The following MACROD2 variants were observed in gnomAD, a reference collection of about 807,000 sequenced individuals.
MACROD2 encodes ADP-ribose glycohydrolase MACROD2.
In MACROD2, 36 loss-of-function variants were observed where a neutral mutation model predicts 70.4. The ratio of observed to expected loss-of-function variants is 0.51; its 90% confidence interval spans 0.39 to 0.68. MACROD2 has a LOEUF of 0.68. Ranked by LOEUF, MACROD2 falls within the 30% of genes least tolerant of loss-of-function variation. The probability of loss-of-function intolerance (pLI) is 0.00; values close to 1 mark genes in which losing one functional copy is unlikely to be tolerated. For synonymous variants in MACROD2, 172 were observed against 178.8 expected, an observed-to-expected ratio of 0.96 and a Z score of 0.30; for missense variants, 496 against 538.4, an observed-to-expected ratio of 0.92 and a Z score of 0.78.
rs2049825185 is a variant in MACROD2 at position 15,661,784 on chromosome 20, TA to T, written c.645+161938del. ...AAAAACTCTGGCTTAAACTCAACCT[TA>T]GGCTTCCACTCTGTAAAATTAAGGT... On this transcript the variant is annotated intron_variant, in intron 8 of 17. Coordinates refer to ENST00000684519, the MANE Select transcript of MACROD2 (RefSeq NM_001351661.2). 2.0e-5 allele frequency among the ~76,000 whole-genome samples: 3 copies of T among 152,262 alleles called. No homozygotes were observed. In the South Asian group the frequency reaches 6.2e-4, roughly 32 times the overall value.
intron 4 of MACROD2, among the ~76,000 whole-genome samples, chr20:14,552,195 A>G (rs1332880769): frequency 6.7e-6 from 1 of 149,892 alleles, no homozygotes; most frequent in East Asian, 2.0e-4. Flanking sequence ...AGTGGCTCCT[A>G]GATTTTCTCA....
intron 2 of MACROD2, among the ~76,000 whole-genome samples, chr20:14,045,320 A>G (rs1372774659): frequency 1.3e-5 from 2 of 152,242 alleles, no homozygotes; most frequent in Non-Finnish European, 2.9e-5. Flanking sequence ...GAGGGCTGCC[A>G]GGGCTGCCAG....
chr20:14,632,546 G>A (rs1000092984), intron 4 of MACROD2, among the ~76,000 whole-genome samples: 3 of 151,980 alleles, frequency 2.0e-5, no homozygotes, highest in African/African-American at 7.3e-5. Context: ...TACATTTGTG[G>A]TTTTCATTTT....
chr20:15,070,270 T>C (rs1188281432), intron 5 of MACROD2, among the ~76,000 whole-genome samples: 1 of 152,144 alleles, frequency 6.6e-6, no homozygotes, highest in Admixed American at 6.5e-5. Context: ...AAATAACTTA[T>C]TTTTGATTTT....
chr20:14,425,819 C>G (rs191970942), intron 3 of MACROD2, among the ~76,000 whole-genome samples: 2 of 152,198 alleles, frequency 1.3e-5, no homozygotes, highest in East Asian at 3.9e-4. Flanking sequence ...TTAGTTTATT[C>G]TTTTATTTTG....
At chr20:15,776,805 T>C (rs2147029511) in intron 8 of MACROD2, among the ~76,000 whole-genome samples, 1 of 152,270 alleles carries the variant, frequency 6.6e-6, no homozygotes, top group East Asian at 1.9e-4. Context: ...TTTCATGTCT[T>C]GATTACTCAA....
intron 5 of MACROD2, among the ~76,000 whole-genome samples, chr20:15,208,214 G>C (rs1299899579): frequency 6.6e-6 from 1 of 152,048 alleles, no homozygotes; most frequent in South Asian, 2.1e-4. Flanking sequence ...ATTGAGTCCA[G>C]CCACTGAGTT....
chr20:14,697,242 T>G (rs1193830041), intron 5 of MACROD2, among the ~76,000 whole-genome samples: 1 of 152,190 alleles, frequency 6.6e-6, no homozygotes, highest in Non-Finnish European at 1.5e-5. Context: ...TGTTTTAAAA[T>G]TAACAAAAGT....
chr20:15,924,278 T>G (rs905154329), intron 10 of MACROD2, among the ~76,000 whole-genome samples: 1 of 152,214 alleles, frequency 6.6e-6, no homozygotes, highest in Non-Finnish European at 1.5e-5. Flanking sequence ...ATATGTGTAT[T>G]GAATTATACC....
At chr20:14,896,159 G>C (rs2073826362) in intron 5 of MACROD2, among the ~76,000 whole-genome samples, 1 of 152,134 alleles carries the variant, frequency 6.6e-6, no homozygotes, top group African/African-American at 2.4e-5. Context: ...GCTGGGCGTG[G>C]TGGTGGGCGC....
intron 3 of MACROD2, among the ~76,000 whole-genome samples, chr20:14,242,255 T>C (rs1257661766): frequency 6.6e-6 from 1 of 152,160 alleles, no homozygotes; most frequent in Non-Finnish European, 1.5e-5. Context: ...ATTCAGTACT[T>C]TGAAAAATCA....
intron 5 of MACROD2, among the ~76,000 whole-genome samples, chr20:14,846,525 A>AT (rs11429861): frequency 0.48 from 70,803 of 148,950 alleles, 17,280 homozygotes; most frequent in Middle Eastern, 0.57. Flanking sequence ...TCACCTTTTA[A>AT]TTTTTTTTTT....
At chr20:14,058,275 A>C (rs1246718327) in intron 2 of MACROD2, among the ~76,000 whole-genome samples, 1 of 152,126 alleles carries the variant, frequency 6.6e-6, no homozygotes, top group Non-Finnish European at 1.5e-5. Flanking sequence ...ATTATTATTA[A>C]ATAATATTAA....
chr20:15,857,536 G>T (rs2064371061), intron 8 of MACROD2, among the ~76,000 whole-genome samples: 1 of 152,174 alleles, frequency 6.6e-6, no homozygotes, highest in Non-Finnish European at 1.5e-5. Flanking sequence ...AAGCTGTGGG[G>T]CCAGCTGCTA....
chr20:15,384,172 T>C (rs1201092446), intron 6 of MACROD2, among the ~76,000 whole-genome samples: 1 of 152,192 alleles, frequency 6.6e-6, no homozygotes, highest in African/African-American at 2.4e-5. Context: ...CATTAACCCA[T>C]AGTGCATAGC....
chr20:15,901,554 C>T (rs1364935391), intron 10 of MACROD2, among the ~76,000 whole-genome samples: 1 of 152,160 alleles, frequency 6.6e-6, no homozygotes, highest in Non-Finnish European at 1.5e-5. Context: ...TGTGTTTTCA[C>T]ATTTCATCAT....
intron 5 of MACROD2, among the ~76,000 whole-genome samples, chr20:15,068,079 G>A (rs1447893545): frequency 6.6e-6 from 1 of 151,908 alleles, no homozygotes; most frequent in Non-Finnish European, 1.5e-5. Flanking sequence ...AATTTTATCT[G>A]GGCATCTTCT....
intron 8 of MACROD2, among the ~76,000 whole-genome samples, chr20:15,517,976 A>G (rs2047593695): frequency 6.6e-6 from 1 of 152,264 alleles, no homozygotes; most frequent in South Asian, 2.1e-4. Flanking sequence ...CATAACGTGC[A>G]GGCACAGACC....
chr20:14,346,601 C>T (rs1350935466), intron 3 of MACROD2, among the ~76,000 whole-genome samples: 1 of 152,216 alleles, frequency 6.6e-6, no homozygotes, highest in African/African-American at 2.4e-5. Context: ...AACTTACTAG[C>T]ATTCTCTTTG....
Sources: gnomAD v4.1 joint callset for allele counts (sites outside exome capture counted in the v4.1 genomes callset) on GRCh38, gnomAD v4.1.1 for gene constraint, MANE v1.5 for transcripts, NCBI Gene and HGNC (gene_info 2026-07-23, HGNC 2026-07-21) for gene names.